PPP2R2C: variants seen among roughly 807,000 people sequenced by gnomAD.
PPP2R2C encodes the protein protein phosphatase 2, regulatory subunit B, gamma.
PPP2R2C carries 10 observed loss-of-function variants against 45.3 expected under a neutral mutation model. The observed-to-expected ratio is 0.22, with a 90% CI of 0.14 to 0.37. The LOEUF (loss-of-function observed/expected upper bound fraction) is 0.37, where lower values mean the gene tolerates loss of function less well. PPP2R2C is among the 10% of genes least tolerant of loss of function. PPP2R2C has a pLI of 1.00. For missense variants in PPP2R2C, 308 were observed against 619.7 expected, an observed-to-expected ratio of 0.50 and a Z score of 5.34; for synonymous variants, 257 against 245.4, an observed-to-expected ratio of 1.05 and a Z score of -0.44.
At chr4:6,512,572 ATGGTGATGG>A (rs1723687079) in intron 2 of PPP2R2C, among the ~76,000 whole-genome samples, 1 of 40,282 alleles carries the variant, frequency 2.5e-5, no homozygotes, top group African/African-American at 1.1e-4. Flanking sequence ...GGTGGTGGTG[ATGGTGATGG>A]TGGTGATGGT....
In PPP2R2C at chr4:6,426,921, G is replaced by A. The variant is rs796096222; in HGVS notation, c.70+45239C>T. Among the ~76,000 whole-genome samples the A allele has an allele frequency of 3.8e-4, 58 of 152,350 alleles. 1 individual carries two copies. Among genetic ancestry groups the A allele is most frequent in the African/African-American group, 1.3e-3 (56 of 41,582 alleles). On this transcript the variant is annotated intron_variant, in intron 1 of 8. Coordinates refer to ENST00000382599, the MANE Select transcript of PPP2R2C (RefSeq NM_020416.4). ...AGCTGTCTCACTGGGGAGTCTTTGAGCACCAACATGGGGAGGAACCAATTC... is the reference window on the plus strand; with the variant it reads ...AGCTGTCTCACTGGGGAGTCTTTGAACACCAACATGGGGAGGAACCAATTC...
At chr4:6,513,516 C>T (rs1046101850) in intron 2 of PPP2R2C, among the ~76,000 whole-genome samples, 22 of 152,244 alleles carry the variant, frequency 1.4e-4, no homozygotes, top group African/African-American at 4.1e-4. Flanking sequence ...CCAGTCACTG[C>T]GAGGGAGGGG....
At chr4:6,349,732 T>C (rs1218704604) in intron 5 of PPP2R2C, 2 of 632,486 alleles carry the variant, frequency 3.2e-6, no homozygotes, top group East Asian at 3.8e-4. Flanking sequence ...CAAAACCCCA[T>C]CTCTACTAAA....
chr4:6,475,806 C>T (rs1722123308), upstream of PPP2R2C, among the ~76,000 whole-genome samples: 1 of 152,246 alleles, frequency 6.6e-6, no homozygotes, highest in Non-Finnish European at 1.5e-5. Context: ...GTGTGCTGTG[C>T]ACCGCACCAT....
At chr4:6,469,318 C>T (rs4631123) in intron 1 of PPP2R2C, among the ~76,000 whole-genome samples, 76,554 of 151,804 alleles carry the variant, frequency 0.5, 20,777 homozygotes, top group East Asian at 0.66. Context: ...CCATTGCAAA[C>T]GCCCTGAAGC....
At chr4:6,391,093 C>T (rs1282499578) in intron 1 of PPP2R2C, among the ~76,000 whole-genome samples, 1 of 152,060 alleles carries the variant, frequency 6.6e-6, no homozygotes, top group Non-Finnish European at 1.5e-5. Context: ...TGGGGGGTGT[C>T]AGAGAGTGTC....
At chr4:6,346,089 T>C (rs762787171) in intron 6 of PPP2R2C, among the ~76,000 whole-genome samples, 1 of 151,914 alleles carries the variant, frequency 6.6e-6, no homozygotes, top group Non-Finnish European at 1.5e-5. Context: ...CCAAGCAACA[T>C]CCAGAGGGGG....
intron 1 of PPP2R2C, chr4:6,381,939 C>G (rs979319705): frequency 1.3e-6 from 2 of 1,520,584 alleles, no homozygotes; most frequent in African/African-American, 2.8e-5. Context: ...GATGAGTGGC[C>G]TGCACATTCT....
chr4:6,420,392 C>G (rs1318441991), intron 1 of PPP2R2C, among the ~76,000 whole-genome samples: 1 of 152,174 alleles, frequency 6.6e-6, no homozygotes, highest in Non-Finnish European at 1.5e-5. Flanking sequence ...CAACAGCAGG[C>G]AGCCAGGATC....
At position 6,337,066 on chromosome 4, in the gene PPP2R2C, C is replaced by T. The variant is rs1385030812; in HGVS notation, c.791-3335G>A. 4.1e-5 allele frequency among the ~76,000 whole-genome samples: 4 copies of T among 98,446 alleles called. 1 individual carries two copies. In the Admixed American group the frequency reaches 4.5e-4, roughly 11 times the overall value. 64.6% of individuals were successfully genotyped at this position (98,446 alleles called of 152,430 possible). ...TCTCACATGATAATGTTTTGTGCCC[C>T]GATAATAATAATTAAATTGGCATCT... On this transcript the variant is annotated intron_variant, in intron 6 of 8. Transcript: ENST00000382599.
chr4:6,478,963 A>T (rs113851521), intron 2 of PPP2R2C, among the ~76,000 whole-genome samples: 286 of 152,252 alleles, frequency 1.9e-3, no homozygotes, highest in African/African-American at 6.3e-3. Context: ...AAACCACCAC[A>T]TGCAAGTTCA....
intron 1 of PPP2R2C, among the ~76,000 whole-genome samples, chr4:6,422,977 A>C (rs6811173): frequency 0.78 from 118,841 of 152,066 alleles, 46,874 homozygotes; most frequent in Non-Finnish European, 0.8. Flanking sequence ...ACATGCACCA[A>C]CCCAATCCAG....
At chr4:6,562,623 C>T (rs1483064256) in intron 1 of PPP2R2C, among the ~76,000 whole-genome samples, 1 of 152,164 alleles carries the variant, frequency 6.6e-6, no homozygotes, top group Non-Finnish European at 1.5e-5. Context: ...AAAGCAAAAA[C>T]AGATTCCTGG....
rs188432981 is a variant in PPP2R2C at position 6,324,611 on chromosome 4, G to A, written c.1053-1018C>T. ...AGGGGCCCGCCTGTCCCGAGGACTC[G>A]GGCGAATAAACAAACATGCATCGCC... On this transcript the variant is annotated intron_variant, in intron 8 of 8. Coordinates refer to ENST00000382599, the MANE Select transcript of PPP2R2C (RefSeq NM_020416.4). This position sits in a 1 kb window ranked among gnomAD's most constrained non-coding sequence, Gnocchi z 4.1. 2.0e-5 allele frequency among the ~76,000 whole-genome samples: 3 copies of A among 152,314 alleles called. No individual in the cohort carries two copies. The highest frequency in any genetic ancestry group is 3.9e-4 in the East Asian group (2 of 5,168).
intron 1 of PPP2R2C, among the ~76,000 whole-genome samples, chr4:6,468,599 G>C (rs1253984140): frequency 6.6e-6 from 1 of 152,142 alleles, no homozygotes; most frequent in Non-Finnish European, 1.5e-5. Flanking sequence ...TCCCCAGAAA[G>C]ACCCAGTCAC....
chr4:6,429,882 A>C (rs1220923671), intron 1 of PPP2R2C, among the ~76,000 whole-genome samples: 2 of 152,078 alleles, frequency 1.3e-5, no homozygotes, highest in African/African-American at 4.8e-5. Flanking sequence ...GGATGCCCAC[A>C]GCATCCGAGA....
At chr4:6,562,290 GAC>G (rs1725602105) in intron 1 of PPP2R2C, among the ~76,000 whole-genome samples, 1 of 152,178 alleles carries the variant, frequency 6.6e-6, no homozygotes. Flanking sequence ...CCATGTTGCT[GAC>G]AGTGTCCCTG....
At chr4:6,357,251 G>C (rs987492654) in intron 5 of PPP2R2C, among the ~76,000 whole-genome samples, 2 of 152,284 alleles carry the variant, frequency 1.3e-5, no homozygotes, top group Non-Finnish European at 1.5e-5. Context: ...GAGGTGCTGG[G>C]CAAGGAGGGG....
chr4:6,521,705 C>T (rs1470208919), intron 2 of PPP2R2C, among the ~76,000 whole-genome samples: 2 of 152,238 alleles, frequency 1.3e-5, no homozygotes, highest in Non-Finnish European at 2.9e-5. Context: ...CCTGGACTGG[C>T]CACCGGTCCC....
Sources: allele counts gnomAD v4.1 joint callset (sites outside exome capture counted in the v4.1 genomes callset), GRCh38; gene constraint gnomAD v4.1.1; non-coding constraint Gnocchi (gnomAD v3.1); transcripts MANE v1.5; gene names NCBI Gene and HGNC (gene_info 2026-07-23, HGNC 2026-07-21).